KDM2A: variants seen among roughly 807,000 people sequenced by gnomAD.
The protein encoded by KDM2A is lysine demethylase 2A.
KDM2A carries 3 observed loss-of-function variants against 137.3 expected under a neutral mutation model. The observed-to-expected ratio is 0.02, with a 90% CI of 0.01 to 0.06. The LOEUF (loss-of-function observed/expected upper bound fraction) is 0.06, where lower values mean the gene tolerates loss of function less well. Ranked by LOEUF, KDM2A falls within the 10% of genes least tolerant of loss-of-function variation. The pLI, the probability that KDM2A is intolerant of heterozygous loss-of-function variation, is 1.00. For missense variants in KDM2A, 738 were observed against 1,510.6 expected (o/e 0.49, Z 8.48); for synonymous variants, 512 against 541.5 (o/e 0.95, Z 0.76).
In KDM2A at chr11:67,245,362, A is replaced by G. The variant is rs761403174; in HGVS notation, c.1737A>G (p.Gln579=). 173 of 1,614,030 alleles carry G rather than the reference A, an allele frequency of 1.1e-4. No homozygotes were observed. Among genetic ancestry groups the G allele is most frequent in the Non-Finnish European group, 1.4e-4 (161 of 1,179,892 alleles). Residue 579 remains glutamine, a synonymous_variant, in exon 14 of 21, where the codon CAA becomes CAG. Transcript: ENST00000529006. The surrounding 1 kb of genome is among the most constrained non-coding windows in gnomAD (Gnocchi z 4.1). ...VRCRKCKACV[Q]GECGVCHYCR... is the part of the protein sequence containing the mutation. ...GTCGAAAATGCAAAGCCTGTGTGCA[A>G]GGAGAGTGTGGTGTTTGCCACTACT...
chr11:67,240,425 A>T, intron 12 of KDM2A: 1 of 1,447,236 alleles, frequency 6.9e-7, no homozygotes, highest in Non-Finnish European at 9.3e-7. Flanking sequence ...AACTATAGGG[A>T]CTTTTGTCTC....
At chr11:67,162,656 TC>T (rs1856659961) in intron 2 of KDM2A, among the ~76,000 whole-genome samples, 3 of 152,088 alleles carry the variant, frequency 2.0e-5, no homozygotes, top group Admixed American at 2.0e-4. Context: ...TCCGCCCGCC[TC>T]GGCCTCCCAA....
At chr11:67,143,976 C>CT (rs1262989600) in intron 2 of KDM2A, among the ~76,000 whole-genome samples, 2 of 151,312 alleles carry the variant, frequency 1.3e-5, no homozygotes, top group Non-Finnish European at 2.9e-5. Context: ...GAGTCTCCCT[C>CT]TGTCGCCCAG....
chr11:67,228,760 A>G (rs550411430), intron 11 of KDM2A, among the ~76,000 whole-genome samples: 1 of 151,756 alleles, frequency 6.6e-6, no homozygotes, highest in Non-Finnish European at 1.5e-5. Flanking sequence ...TTTTAGAGAC[A>G]GGGCCTTGCC....
chr11:67,128,049 C>G (rs1855770273), intron 2 of KDM2A, among the ~76,000 whole-genome samples: 3 of 127,454 alleles, frequency 2.4e-5, no homozygotes. Flanking sequence ...GGGTCTTGCT[C>G]TGTTGCCCAG....
chr11:67,247,981 C>G (rs1388608063), intron 15 of KDM2A, among the ~76,000 whole-genome samples: 1 of 152,148 alleles, frequency 6.6e-6, no homozygotes, highest in Non-Finnish European at 1.5e-5. Context: ...ATTGTTGTAT[C>G]TCTGTGTATT....
At chr11:67,148,085 G>A (rs891136751) in intron 2 of KDM2A, among the ~76,000 whole-genome samples, 5 of 151,980 alleles carry the variant, frequency 3.3e-5, no homozygotes, top group Admixed American at 3.3e-4. Context: ...TTACTAGATC[G>A]CTGATTTGTT....
chr11:67,219,450 T>C (rs897222322), intron 10 of KDM2A, 47 bp downstream of exon 10: 1 of 989,510 alleles, frequency 1.0e-6, no homozygotes, highest in African/African-American at 1.7e-5. Flanking sequence ...TTTACTCCAG[T>C]TATGATAGAT....
At chr11:67,225,224 T>C (rs1045389189) in intron 10 of KDM2A, among the ~76,000 whole-genome samples, 7 of 152,316 alleles carry the variant, frequency 4.6e-5, no homozygotes, top group East Asian at 1.9e-4. Context: ...ACAAAAGATA[T>C]CATTCTATTT....
intron 2 of KDM2A, among the ~76,000 whole-genome samples, chr11:67,169,242 C>T (rs1856821180): frequency 6.6e-6 from 1 of 152,136 alleles, no homozygotes; most frequent in African/African-American, 2.4e-5. Context: ...GCGTGAGCCA[C>T]TGCACCCGGC....
chr11:67,230,769 G>A (rs1398939807), intron 11 of KDM2A, among the ~76,000 whole-genome samples: 1 of 151,992 alleles, frequency 6.6e-6, no homozygotes, highest in Non-Finnish European at 1.5e-5. Context: ...ACCGCTTTGC[G>A]CCTTCTTGCA....
intron 13 of KDM2A, chr11:67,243,398 T>C (rs1046090990): frequency 9.6e-6 from 2 of 207,952 alleles, no homozygotes; most frequent in African/African-American, 2.3e-5. Context: ...TTCACAGATA[T>C]GATTGAAAGC....
chr11:67,205,520 T>C (rs1857775795), intron 5 of KDM2A, among the ~76,000 whole-genome samples: 1 of 152,142 alleles, frequency 6.6e-6, no homozygotes, highest in Non-Finnish European at 1.5e-5. Context: ...CTCGACCTCC[T>C]GGGCTCAGGT....
intron 5 of KDM2A, among the ~76,000 whole-genome samples, chr11:67,191,317 G>A (rs1420782929): frequency 5.3e-5 from 8 of 152,118 alleles, no homozygotes; most frequent in African/African-American, 1.9e-4. Context: ...GAGCCACTGC[G>A]CCCGACCAAG....
chr11:67,254,860 C>T lies in KDM2A; in HGVS notation c.3308-14C>T, dbSNP rs1859550730. On this transcript the variant is annotated splice_polypyrimidine_tract_variant and intron_variant, in intron 20 of 20. Transcript: ENST00000529006. This position sits in a 1 kb window ranked among gnomAD's most constrained non-coding sequence, Gnocchi z 4.7. Reference sequence around the variant, plus strand: ...TGTATGTGAGCACTGTCATTATGTCCACTTTCCCGACAGGTTGCAATAAAT... The same window carrying T: ...TGTATGTGAGCACTGTCATTATGTCTACTTTCCCGACAGGTTGCAATAAAT... 6 of 1,611,952 alleles carry T rather than the reference C, an allele frequency of 3.7e-6. No homozygotes were observed. Among genetic ancestry groups the T allele is most frequent in the African/African-American group, 2.7e-5 (2 of 74,978 alleles).
chr11:67,143,595 G>T lies in KDM2A; in HGVS notation c.42+22237G>T, dbSNP rs898934952. Among the ~76,000 whole-genome samples, 5 of 151,556 alleles carry T rather than the reference G, an allele frequency of 3.3e-5. No homozygotes were observed. The East Asian group carries it at 9.7e-4, about 29-fold the overall frequency. On this transcript the variant is annotated intron_variant, in intron 2 of 20. Transcript: ENST00000529006. ...CTCAGTGGAATTATATTTTAGTTTC[G>T]CTTTTGTCTGTCTGTCTTTCTCTTT...
chr11:67,206,748 TAAAC>T (rs1345299895), intron 5 of KDM2A, among the ~76,000 whole-genome samples: 9 of 152,200 alleles, frequency 5.9e-5, no homozygotes, highest in Admixed American at 2.0e-4. Context: ...AAAAAATAAA[TAAAC>T]AAACTTAGGT....
At chr11:67,242,213 CTAAGA>C (rs1229375339) in intron 12 of KDM2A, among the ~76,000 whole-genome samples, 2 of 152,042 alleles carry the variant, frequency 1.3e-5, no homozygotes, top group Non-Finnish European at 2.9e-5. Context: ...ACTTTTGCCC[CTAAGA>C]TTGTTCCTTT....
chr11:67,130,693 C>A (rs1011685150), intron 2 of KDM2A, among the ~76,000 whole-genome samples: 10 of 152,068 alleles, frequency 6.6e-5, no homozygotes, highest in African/African-American at 2.4e-4. Flanking sequence ...CTGTTTATCT[C>A]ACTTTTGGAA....
Sources: gnomAD v4.1 joint callset for allele counts (sites outside exome capture counted in the v4.1 genomes callset) on GRCh38, gnomAD v4.1.1 for gene constraint, Gnocchi (gnomAD v3.1) non-coding constraint, MANE v1.5 for transcripts, NCBI Gene and HGNC (gene_info 2026-07-23, HGNC 2026-07-21) for gene names.